Variants in SCFD2 observed in about 807,000 individuals in gnomAD.
SCFD2 encodes the protein sec1 family domain containing 2.
Under a neutral mutation model 58.9 loss-of-function variants are expected in SCFD2, and 54 were observed. The ratio of observed to expected loss-of-function variants is 0.92; its 90% CI spans 0.74 to 1.15. SCFD2 has a LOEUF of 1.15. SCFD2 is among the 50% of genes most tolerant of loss of function. SCFD2 has a pLI of 0.00. For synonymous variants in SCFD2, 321 were observed against 335.9 expected (o/e 0.96, Z 0.49); for missense variants, 805 against 836.6 (o/e 0.96, Z 0.47).
At chr4:52,937,826 C>T (rs146265090) in intron 5 of SCFD2, among the ~76,000 whole-genome samples, 140 of 152,220 alleles carry the variant, frequency 9.2e-4, no homozygotes, top group African/African-American at 3.1e-3. Context: ...AAATCCTTGA[C>T]CAGTGAGGTT....
At chr4:53,210,854 T>C (rs542626194) in intron 4 of SCFD2, among the ~76,000 whole-genome samples, 1 of 152,084 alleles carries the variant, frequency 6.6e-6, no homozygotes, top group South Asian at 2.1e-4. Context: ...CACTCTAATC[T>C]TCCCCTGCCT....
chr4:52,903,325 T>C (rs909597433), intron 7 of SCFD2, among the ~76,000 whole-genome samples: 3 of 152,064 alleles, frequency 2.0e-5, no homozygotes, highest in African/African-American at 7.2e-5. Flanking sequence ...ACAGATGAAA[T>C]AATGACCAGC....
intron 5 of SCFD2, among the ~76,000 whole-genome samples, chr4:53,073,688 C>T (rs1229768248): frequency 6.6e-6 from 1 of 151,940 alleles, no homozygotes; most frequent in Non-Finnish European, 1.5e-5. Context: ...GGGTTTGGTT[C>T]CAGACCACTG....
At chr4:53,274,485 C>T (rs1486065669) in intron 3 of SCFD2, among the ~76,000 whole-genome samples, 1 of 151,934 alleles carries the variant, frequency 6.6e-6, no homozygotes, top group Non-Finnish European at 1.5e-5. Context: ...GAGTTCATGA[C>T]AATATTCGTG....
chr4:52,947,835 G>C (rs2109524460), intron 5 of SCFD2, among the ~76,000 whole-genome samples: 1 of 151,538 alleles, frequency 6.6e-6, no homozygotes, highest in South Asian at 2.1e-4. Flanking sequence ...ACCATGAACA[G>C]AGTGAAAAGC....
At position 53,202,377 on chromosome 4, in the gene SCFD2, T is replaced by C. The variant is rs547524864; in HGVS notation, c.1312-56795A>G. On this transcript the variant is annotated intron_variant, in intron 4 of 8. Coordinates refer to ENST00000401642, the MANE Select transcript of SCFD2 (RefSeq NM_152540.4). ...TTCTGAGGGCTCTGTTCTGTTCCAT[T>C]GGTCTATATCTCTGTTTTGGTACCA... Among the ~76,000 whole-genome samples the C allele has an allele frequency of 7.3e-4, 111 of 152,052 alleles. No homozygotes were observed. The Middle Eastern group carries it at 0.014, about 19-fold the overall frequency.
intron 2 of SCFD2, among the ~76,000 whole-genome samples, chr4:53,343,318 T>G (rs1259817769): frequency 6.6e-6 from 1 of 152,080 alleles, no homozygotes; most frequent in African/African-American, 2.4e-5. Context: ...GAGAATACTA[T>G]AAACACCTCT....
chr4:53,042,351 A>ATG (rs1277711186), intron 5 of SCFD2, among the ~76,000 whole-genome samples: 1 of 152,108 alleles, frequency 6.6e-6, no homozygotes, highest in African/African-American at 2.4e-5. Context: ...ATATATATAT[A>ATG]TATCATCAAA....
chr4:53,313,981 G>A (rs1577959899), intron 2 of SCFD2, among the ~76,000 whole-genome samples: 2 of 152,056 alleles, frequency 1.3e-5, no homozygotes, highest in South Asian at 2.1e-4. Context: ...GTGAAAAAAA[G>A]GGAAGAAAAG....
intron 5 of SCFD2, among the ~76,000 whole-genome samples, chr4:52,968,193 G>C (rs897668163): frequency 6.6e-6 from 1 of 152,124 alleles, no homozygotes; most frequent in Non-Finnish European, 1.5e-5. Flanking sequence ...TTTAGACCGG[G>C]GCTACTGTGT....
chr4:52,987,679 C>T (rs1453769697), intron 5 of SCFD2, among the ~76,000 whole-genome samples: 1 of 152,152 alleles, frequency 6.6e-6, no homozygotes, highest in African/African-American at 2.4e-5. Context: ...TGAACTAACT[C>T]CAAGCAGTAG....
chr4:53,302,811 T>C (rs1237676809), intron 3 of SCFD2, among the ~76,000 whole-genome samples: 2 of 152,168 alleles, frequency 1.3e-5, no homozygotes. Flanking sequence ...TCTACAACTA[T>C]CTGTTCTTTG....
At chr4:53,286,307 G>A (rs1406340182) in intron 3 of SCFD2, among the ~76,000 whole-genome samples, 1 of 152,074 alleles carries the variant, frequency 6.6e-6, no homozygotes, top group African/African-American at 2.4e-5. Context: ...GCCTAGTGGA[G>A]CGGCCATGCA....
At chr4:53,207,506 T>TAAA (rs1239127260) in intron 4 of SCFD2, among the ~76,000 whole-genome samples, 398 of 12,066 alleles carry the variant, frequency 0.033, 33 homozygotes, top group African/African-American at 0.1. Context: ...TATATATATA[T>TAAA]TATATATATT....
At chr4:52,956,275 A>G (rs1440301673) in intron 5 of SCFD2, 3 of 456,452 alleles carry the variant, frequency 6.6e-6, no homozygotes, top group African/African-American at 4.0e-5. Context: ...GGAGCCTGGA[A>G]GGGGAGCGGT....
At chr4:53,190,364 G>T (rs901616777) in intron 4 of SCFD2, among the ~76,000 whole-genome samples, 2 of 152,112 alleles carry the variant, frequency 1.3e-5, no homozygotes, top group African/African-American at 4.8e-5. Flanking sequence ...CTGTGCTCCA[G>T]CCACATGGGC....
intron 5 of SCFD2, among the ~76,000 whole-genome samples, chr4:53,102,708 CA>C (rs537474884): frequency 2.6e-5 from 4 of 151,790 alleles, no homozygotes; most frequent in Admixed American, 6.6e-5. Flanking sequence ...GACAAAAAAA[CA>C]AAAGCTTGTT....
rs1718845578 is a variant in SCFD2, at chr4:52,890,039, C to T, written c.1843-4173G>A. The stretch of plus-strand genomic sequence containing the variant: ...CATATCCACAGGTTAACAGGAAAGG[C>T]CCTTCTTTTCTTAGAAACTCTCCCT... On this transcript the variant is annotated intron_variant, in intron 7 of 8. Transcript: ENST00000401642. Among the ~76,000 whole-genome samples the T allele has an allele frequency of 2.6e-5, 4 of 152,186 alleles. 1 individual carries two copies. The highest frequency in any genetic ancestry group is 2.6e-4 in the Admixed American group (4 of 15,278).
At chr4:53,246,859 A>G (rs1730093211) in intron 4 of SCFD2, among the ~76,000 whole-genome samples, 1 of 152,030 alleles carries the variant, frequency 6.6e-6, no homozygotes, top group Non-Finnish European at 1.5e-5. Flanking sequence ...GGATCTAACC[A>G]AACAAAAGAG....
Sources: allele counts gnomAD v4.1 joint callset (sites outside exome capture counted in the v4.1 genomes callset), GRCh38; gene constraint gnomAD v4.1.1; transcripts MANE v1.5; gene names NCBI Gene and HGNC (gene_info 2026-07-23, HGNC 2026-07-21).